The following ASB2 variants were observed in gnomAD, a reference collection of about 807,000 sequenced individuals.
ASB2 encodes ankyrin repeat and SOCS box protein 2.
Under a neutral mutation model 62.4 loss-of-function variants are expected in ASB2, and 58 were observed. That is an observed-to-expected ratio of 0.93 (90% CI 0.75 to 1.16). The LOEUF (loss-of-function observed/expected upper bound fraction) is 1.16, where lower values mean the gene tolerates loss of function less well. Ranked by LOEUF, ASB2 falls within the 50% of genes most tolerant of loss-of-function variation. ASB2 has a pLI of 0.00. For missense variants in ASB2, 928 were observed against 887.9 expected (o/e 1.05, Z -0.57); for synonymous variants, 386 against 385.3 (o/e 1.00, Z -0.02).
intron 6 of ASB2, 71 bp from the exon 7 acceptor site, chr14:93,947,591 G>A (rs1032520702): frequency 2.2e-5 from 33 of 1,517,540 alleles, no homozygotes; most frequent in Admixed American, 5.1e-5. Flanking sequence ...TAACGCCACC[G>A]CGTGGTGGGC....
chr14:93,962,775 C>A (rs1010709328), intron 2 of ASB2, among the ~76,000 whole-genome samples: 1 of 152,220 alleles, frequency 6.6e-6, no homozygotes, highest in African/African-American at 2.4e-5. Flanking sequence ...TGGCTTCATG[C>A]AGCAGGCCCT....
intron 2 of ASB2, among the ~76,000 whole-genome samples, chr14:93,960,425 G>A (rs1371576609): frequency 1.3e-5 from 2 of 152,212 alleles, no homozygotes; most frequent in Non-Finnish European, 2.9e-5. Flanking sequence ...TGAATTGTTT[G>A]AAGCTGTGCA....
intron 2 of ASB2, among the ~76,000 whole-genome samples, chr14:93,962,857 C>A (rs997582972): frequency 6.6e-6 from 1 of 152,202 alleles, no homozygotes; most frequent in African/African-American, 2.4e-5. Context: ...GCCTGTCTTC[C>A]GCTGAACCGG....
chr14:93,973,701 C>G (rs1306184347), intron 1 of ASB2, among the ~76,000 whole-genome samples: 3 of 152,242 alleles, frequency 2.0e-5, no homozygotes, highest in Non-Finnish European at 4.4e-5. Flanking sequence ...GAGGCTGGCC[C>G]CTCCCCGCAT....
intron 3 of ASB2, chr14:93,955,397 C>T (rs1889152116): frequency 6.0e-6 from 2 of 335,466 alleles, no homozygotes; most frequent in Admixed American, 7.7e-5. Flanking sequence ...GGTGAAGCAA[C>T]AGACCCAGCA....
intron 9 of ASB2, among the ~76,000 whole-genome samples, chr14:93,935,968 T>C (rs1888259376): frequency 6.6e-6 from 1 of 152,234 alleles, no homozygotes; most frequent in Admixed American, 6.5e-5. Flanking sequence ...GAATATATAT[T>C]CATTTAATGG....
chr14:93,952,844 C>T (rs1364119659), intron 5 of ASB2, among the ~76,000 whole-genome samples: 1 of 152,260 alleles, frequency 6.6e-6, no homozygotes, highest in Non-Finnish European at 1.5e-5. Flanking sequence ...ACTGCTAGGG[C>T]AGCCAACAAA....
At chr14:93,947,898 G>A (rs1888797667) in intron 6 of ASB2, among the ~76,000 whole-genome samples, 1 of 148,752 alleles carries the variant, frequency 6.7e-6, no homozygotes, top group South Asian at 2.2e-4. Flanking sequence ...GGAGGCTGAG[G>A]CAGGAGAATC....
intron 3 of ASB2, among the ~76,000 whole-genome samples, chr14:93,956,268 T>G (rs966193901): frequency 2.0e-5 from 3 of 152,154 alleles, no homozygotes; most frequent in Non-Finnish European, 4.4e-5. Context: ...CACCTGGCAC[T>G]TCACAAATAA....
chr14:93,951,321 G>A (rs192383268), intron 5 of ASB2, 77 bp from the exon 6 acceptor site: 1,236 of 1,490,898 alleles, frequency 8.3e-4, no homozygotes, highest in Non-Finnish European at 9.6e-4. Flanking sequence ...TCATTCGCCT[G>A]TCCATTCACT....
intron 6 of ASB2, among the ~76,000 whole-genome samples, chr14:93,949,537 G>C: frequency 6.6e-6 from 1 of 152,266 alleles, no homozygotes; most frequent in East Asian, 1.9e-4. Context: ...GGAAGGAGCT[G>C]GGCAGAGGCC....
intron 9 of ASB2, 61 bp downstream of exon 9, chr14:93,937,637 C>T: frequency 1.3e-6 from 2 of 1,549,874 alleles, no homozygotes; most frequent in Non-Finnish European, 1.8e-6. Context: ...CTCCCTGAGG[C>T]CTGGGACTCT....
At chr14:93,960,407 G>A (rs929946583) in intron 2 of ASB2, among the ~76,000 whole-genome samples, 1 of 152,202 alleles carries the variant, frequency 6.6e-6, no homozygotes, top group Non-Finnish European at 1.5e-5. Flanking sequence ...AGTGTGGGTG[G>A]CTTGATTTGA....
rs1013169628 is a variant in ASB2, at chr14:93,964,525, G to T, written c.15C>A (p.Ile5=). The change falls in exon 2 of 10, where the codon ATC becomes ATA. Residue 5 remains isoleucine, a synonymous_variant. Coordinates refer to ENST00000555019, the MANE Select transcript of ASB2 (RefSeq NM_001202429.2). ...TGGTACACTGGCTGCCCCGAGTGCT[G>T]ATCTGCGTGGCCATCCTCCTCCACC... The part of the protein sequence containing the change: MATQ[I]STRGSQCTIG... The T allele has an allele frequency of 1.5e-5, 23 of 1,536,094 alleles. No homozygotes were observed. The highest frequency in any genetic ancestry group is 1.7e-4 in the Middle Eastern group (1 of 5,978).
Position 93,939,386 on chromosome 14 carries a change from C to T in ASB2, c.1339G>A (p.Val447Met), listed in dbSNP as rs971795953. The T allele has an allele frequency of 5.0e-6, 8 of 1,612,752 alleles. No individual in the cohort carries two copies. The African/African-American group carries it at 8.0e-5, about 16-fold the overall frequency. ...PNRDVISPLL[V>M]AIRHGCLRTM... ...CGCAGGCAGCCGTGGCGGATGGCCACGAGCAAGGGGCTGATGACGTCGCGG... is the reference window on the plus strand; with the variant it reads ...CGCAGGCAGCCGTGGCGGATGGCCATGAGCAAGGGGCTGATGACGTCGCGG... The change falls in exon 8 of 10, where the codon GTG becomes ATG. Residue 447 changes from valine (V) to methionine (M), a missense_variant. Coordinates refer to ENST00000555019, the MANE Select transcript of ASB2 (RefSeq NM_001202429.2).
intron 8 of ASB2, among the ~76,000 whole-genome samples, chr14:93,938,365 G>A (rs920639566): frequency 7.5e-5 from 11 of 147,432 alleles, no homozygotes; most frequent in Non-Finnish European, 1.5e-5. Flanking sequence ...TTAGCCTCCC[G>A]AGCACCTGGG....
intron 6 of ASB2, among the ~76,000 whole-genome samples, chr14:93,950,484 TG>T (rs1888912302): frequency 6.6e-6 from 1 of 152,200 alleles, no homozygotes; most frequent in Non-Finnish European, 1.5e-5. Flanking sequence ...TGTGTGACCT[TG>T]GACAAATCAC....
intron 7 of ASB2, among the ~76,000 whole-genome samples, chr14:93,943,134 A>G (rs1281163642): frequency 6.6e-6 from 1 of 152,212 alleles, no homozygotes; most frequent in East Asian, 1.9e-4. Flanking sequence ...CCAGGTTACA[A>G]AGCACAATGT....
Position 93,947,759 on chromosome 14 carries a change from T to G in ASB2, c.881-239A>C, listed in dbSNP as rs200266928. On this transcript the variant is annotated intron_variant, in intron 6 of 9. Coordinates refer to ENST00000555019, the MANE Select transcript of ASB2 (RefSeq NM_001202429.2). ...CTGTAATCCCAGCACTTTGGGAGGC[T>G]GAGGCAGGCGGATCACCTGAGGTCA... 2.6e-4 allele frequency among the ~76,000 whole-genome samples: 39 copies of G among 152,064 alleles called. No individual in the cohort carries two copies. In the East Asian group the frequency reaches 5.4e-3, roughly 21 times the overall value.
Sources: allele counts gnomAD v4.1 joint callset (sites outside exome capture counted in the v4.1 genomes callset), GRCh38; gene constraint gnomAD v4.1.1; transcripts MANE v1.5; gene names NCBI Gene and HGNC (gene_info 2026-07-23, HGNC 2026-07-21).